DPP6: variants seen among roughly 807,000 people sequenced by gnomAD.
DPP6 encodes the protein A-type potassium channel modulatory protein DPP6.
Under a neutral mutation model 122.6 loss-of-function variants are expected in DPP6, and 69 were observed. The ratio of observed to expected loss-of-function variants is 0.56; its 90% confidence interval spans 0.46 to 0.69. The LOEUF (loss-of-function observed/expected upper bound fraction) is 0.69, where lower values mean the gene tolerates loss of function less well. Ranked by LOEUF, DPP6 falls within the 30% of genes least tolerant of loss-of-function variation. The probability of loss-of-function intolerance (pLI) is 0.00; values close to 1 mark genes in which losing one functional copy is unlikely to be tolerated. For synonymous variants in DPP6, 418 were observed against 433.1 expected (o/e 0.97, Z 0.43); for missense variants, 928 against 1,116.9 (o/e 0.83, Z 2.41).
At position 153,963,719 on chromosome 7, in the gene DPP6, C is replaced by T. The variant is rs550072896; in HGVS notation, c.51+75985C>T. On this transcript the variant is annotated intron_variant, in intron 1 of 25. Coordinates refer to the DPP6 transcript ENST00000404039. The stretch of plus-strand genomic sequence containing the variant: ...GTGCAAGAGATCTGGGTTGCATGCT[C>T]CTTATGAGAATCTGATGCCTAATAT... Among the ~76,000 whole-genome samples, 15 of 152,248 alleles carry T rather than the reference C, an allele frequency of 9.9e-5. No homozygotes were observed. The South Asian group carries it at 2.7e-3, about 27-fold the overall frequency.
chr7:154,761,103 G>C (rs1795521774), intron 8 of DPP6, among the ~76,000 whole-genome samples: 1 of 152,196 alleles, frequency 6.6e-6, no homozygotes. Context: ...CCGAAGTGCT[G>C]AGATTATAGG....
intron 1 of DPP6, among the ~76,000 whole-genome samples, chr7:153,964,202 A>G (rs7808055): frequency 0.055 from 8,408 of 151,802 alleles, 789 homozygotes; most frequent in African/African-American, 0.19. Flanking sequence ...CACCATGTTG[A>G]TCAAGCTGAT....
At chr7:153,852,094 C>T in the DPP6 span, among the ~76,000 whole-genome samples, 1 of 152,114 alleles carries the variant, frequency 6.6e-6, no homozygotes, top group Non-Finnish European at 1.5e-5. Context: ...GGTGGCTTCT[C>T]CCTTTCAGTG....
At chr7:154,669,279 G>A (rs774687375) in intron 6 of DPP6, 81 bp from the exon 7 acceptor site, 24 of 1,548,614 alleles carry the variant, frequency 1.5e-5, no homozygotes, top group Non-Finnish European at 2.0e-5. Context: ...TTAAGTTATA[G>A]GTAGGGGATA....
chr7:154,400,469 T>C (rs1209532805), intron 1 of DPP6, among the ~76,000 whole-genome samples: 1 of 152,194 alleles, frequency 6.6e-6, no homozygotes, highest in African/African-American at 2.4e-5. Context: ...ATGAATGAGA[T>C]CATGAGGAAA....
At chr7:154,500,021 G>A (rs903820808) in intron 3 of DPP6, among the ~76,000 whole-genome samples, 2 of 152,154 alleles carry the variant, frequency 1.3e-5, no homozygotes, top group African/African-American at 2.4e-5. Context: ...TGCCCCTGGC[G>A]AGTTGTATAG....
chr7:154,474,172 C>T (rs1398759538), intron 2 of DPP6, among the ~76,000 whole-genome samples: 2 of 152,208 alleles, frequency 1.3e-5, no homozygotes, highest in Non-Finnish European at 2.9e-5. Flanking sequence ...GATTTTTGTG[C>T]CTCTAATGGA....
intron 1 of DPP6, among the ~76,000 whole-genome samples, chr7:154,119,998 C>G (rs1464426445): frequency 1.3e-5 from 2 of 151,896 alleles, no homozygotes; most frequent in South Asian, 4.2e-4. Flanking sequence ...TGCTGTACCC[C>G]ACTCGACAGA....
rs149824390 is a variant in DPP6, at chr7:154,429,498, C to T, written c.244-16716C>T. Among the ~76,000 whole-genome samples the T allele has an allele frequency of 2.3e-3, 354 of 152,320 alleles. 2 individuals are homozygous for T. The highest frequency in any genetic ancestry group is 7.8e-3 in the African/African-American group (324 of 41,572). On this transcript the variant is annotated intron_variant, in intron 1 of 25. Transcript: ENST00000377770. ...GGTCTCTCAGCATTGTGGTTCACTA[C>T]GACAGAGCATCGCTTTTAACAGCCA...
intron 5 of DPP6, among the ~76,000 whole-genome samples, chr7:154,575,492 G>A (rs1831576243): frequency 3.5e-4 from 29 of 82,136 alleles, no homozygotes; most frequent in Non-Finnish European, 5.7e-4. Flanking sequence ...TGTGTGGTGT[G>A]TGTTTGTGTG....
chr7:154,365,173 C>T (rs938996390), intron 1 of DPP6, among the ~76,000 whole-genome samples: 2 of 152,114 alleles, frequency 1.3e-5, no homozygotes, highest in Admixed American at 6.6e-5. Context: ...TTCATTGCAC[C>T]GTAGGTTATT....
chr7:154,433,326 AT>A (rs1288200895), intron 1 of DPP6, among the ~76,000 whole-genome samples: 1 of 51,230 alleles, frequency 2.0e-5, no homozygotes, highest in South Asian at 6.3e-4. Context: ...TAATTTTTGC[AT>A]TTTTTTTGTT....
chr7:154,203,532 T>C (rs6975050), intron 1 of DPP6, among the ~76,000 whole-genome samples: 3,874 of 152,228 alleles, frequency 0.025, 179 homozygotes, highest in African/African-American at 0.088. Context: ...CCCTCCAGGT[T>C]TGCAGTCAAA....
At chr7:153,946,745 G>A (rs976135982) in intron 1 of DPP6, among the ~76,000 whole-genome samples, 4 of 152,112 alleles carry the variant, frequency 2.6e-5, no homozygotes, top group Non-Finnish European at 5.9e-5. Context: ...TAAGTGGGAA[G>A]TAATTGATAT....
chr7:154,584,954 G>A (rs1256358207), intron 5 of DPP6, among the ~76,000 whole-genome samples: 1 of 152,076 alleles, frequency 6.6e-6, no homozygotes, highest in East Asian at 1.9e-4. Flanking sequence ...GCTAGTTTTT[G>A]TTGTGCAATT....
In DPP6 at chr7:153,949,442, G is replaced by A. The variant is rs57555066; in HGVS notation, c.51+61708G>A. On this transcript the variant is annotated intron_variant, in intron 1 of 25. Coordinates refer to the DPP6 transcript ENST00000404039. ...AAGGGCTTGCATGGTGTGTGGTGCT[G>A]GCACTGCTTTCAGAGGCTGCCTGAT... is the stretch of plus-strand genomic sequence containing the variant. Among the ~76,000 whole-genome samples the A allele has an allele frequency of 5.4e-3, 821 of 152,248 alleles. 3 individuals carry two copies. Among genetic ancestry groups the A allele is most frequent in the Middle Eastern group, 0.024 (7 of 294 alleles).
chr7:154,870,528 C>T (rs1804297356), intron 18 of DPP6, among the ~76,000 whole-genome samples: 1 of 152,112 alleles, frequency 6.6e-6, no homozygotes, highest in Admixed American at 6.5e-5. Context: ...ATCACTTGAA[C>T]CTAGAAGGCA....
intron 1 of DPP6, among the ~76,000 whole-genome samples, chr7:154,260,964 C>T (rs1416840096): frequency 6.6e-6 from 1 of 151,866 alleles, no homozygotes; most frequent in Non-Finnish European, 1.5e-5. Context: ...GGTGTGATCT[C>T]AGCTCACCGT....
intron 1 of DPP6, among the ~76,000 whole-genome samples, chr7:153,940,372 CAA>C (rs762575483): frequency 2.6e-5 from 4 of 151,866 alleles, no homozygotes; most frequent in South Asian, 4.2e-4. Context: ...GTGTTGAAGT[CAA>C]GTGTTGAAGT....
Sources: allele counts gnomAD v4.1 joint callset (sites outside exome capture counted in the v4.1 genomes callset), GRCh38; gene constraint gnomAD v4.1.1; transcripts MANE v1.5; gene names NCBI Gene and HGNC (gene_info 2026-07-23, HGNC 2026-07-21).